DUOX1: variants seen among roughly 807,000 people sequenced by gnomAD.
The protein encoded by DUOX1 is NADPH thyroid oxidase 1.
A neutral mutation model predicts 181.8 loss-of-function variants in DUOX1; 134 were observed. The ratio of observed to expected loss-of-function variants is 0.74; its 90% CI spans 0.64 to 0.85. The LOEUF (loss-of-function observed/expected upper bound fraction) is 0.85, where lower values mean the gene tolerates loss of function less well. Among genes scored for constraint, DUOX1 ranks in the 40% least tolerant of loss-of-function variants. The pLI is 0.00. For missense variants in DUOX1, 1,814 were observed against 2,064.4 expected (o/e 0.88, Z 2.35); for synonymous variants, 798 against 832.5 (o/e 0.96, Z 0.71).
At chr15:45,141,690 G>T (rs927581145) in intron 14 of DUOX1, among the ~76,000 whole-genome samples, 5 of 152,040 alleles carry the variant, frequency 3.3e-5, no homozygotes, top group African/African-American at 1.2e-4. Context: ...CTCGGGCTAG[G>T]TATAATATTA....
intron 9 of DUOX1, among the ~76,000 whole-genome samples, chr15:45,136,845 C>A (rs565494587): frequency 1.3e-5 from 2 of 150,070 alleles, no homozygotes; most frequent in South Asian, 4.2e-4. Flanking sequence ...AGATATTACC[C>A]TCCCCCCCAC....
rs541829000 is a variant in DUOX1 at position 45,156,818 on chromosome 15, T to C, written c.3702+889T>C. ...CTCCCTCTCTCCATGTTGCCTCCCTTCTCATGTTCCCTTCACCCTCCCCTG... is the reference window on the plus strand; with the variant it reads ...CTCCCTCTCTCCATGTTGCCTCCCTCCTCATGTTCCCTTCACCCTCCCCTG... On this transcript the variant is annotated intron_variant, in intron 28 of 33. Transcript: ENST00000389037. 2.0e-5 allele frequency among the ~76,000 whole-genome samples: 3 copies of C among 152,178 alleles called. No individual in the cohort carries two copies. The South Asian group carries it at 6.2e-4, about 32-fold the overall frequency.
intron 17 of DUOX1, 113 bp downstream of exon 17, chr15:45,144,348 G>C: frequency 8.5e-7 from 1 of 1,175,376 alleles, no homozygotes; most frequent in Non-Finnish European, 1.2e-6. Context: ...TACTGTGCAG[G>C]AGTCTGGCTT....
In DUOX1 at chr15:45,132,285, G is replaced by A. The variant is rs1022421713; in HGVS notation, c.58+261G>A. Among the ~76,000 whole-genome samples, 8 of 152,290 alleles carry A rather than the reference G, an allele frequency of 5.3e-5. No individual in the cohort carries two copies. In the East Asian group the frequency reaches 1.5e-3, roughly 29 times the overall value. ...TCTCTTTTATTCTTACAGTTTGGGG[G>A]CCCTTTCTCTCTCCTCTCTCTTCTC... On this transcript the variant is annotated intron_variant, in intron 2 of 33. Coordinates refer to ENST00000389037, the MANE Select transcript of DUOX1 (RefSeq NM_175940.3).
At position 45,155,871 on chromosome 15, in the gene DUOX1, G is replaced by A. The variant is rs142004175; in HGVS notation, c.3644G>A (p.Arg1215His). 1.1e-3 allele frequency: 1,814 copies of A among 1,614,124 alleles called. 7 individuals are homozygous for A. Among genetic ancestry groups the A allele is most frequent in the Non-Finnish European group, 5.5e-4 (653 of 1,180,024 alleles). ...GTCTTTGCCTCCCACCACTTCCGCCGCCGCAGTTTCCGGGGCTTCTGGCTG... is the reference window on the plus strand; with the variant it reads ...GTCTTTGCCTCCCACCACTTCCGCCACCGCAGTTTCCGGGGCTTCTGGCTG... The part of the protein sequence containing the change: ...MYVFASHHFR[R>H]RSFRGFWLTH... Residue 1215 changes from arginine (R) to histidine (H), a missense_variant, in exon 28 of 34, where the codon CGC becomes CAC. Transcript: ENST00000389037.
chr15:45,134,350 G>C lies in DUOX1; in HGVS notation c.307+41G>C, dbSNP rs570184980. On this transcript the variant is annotated intron_variant, in intron 4 of 33. Coordinates refer to ENST00000389037, the MANE Select transcript of DUOX1 (RefSeq NM_175940.3). ...TCTGGGGAAGGAAGCCGGTGGGGTC[G>C]GCTGGACACCTCTGCATGTGAAGAG... 6.4e-6 allele frequency: 10 copies of C among 1,554,664 alleles called. No individual in the cohort carries two copies. In the Admixed American group the frequency reaches 1.2e-4, roughly 19 times the overall value.
intron 12 of DUOX1, chr15:45,140,673 T>C: frequency 2.1e-6 from 1 of 467,640 alleles, no homozygotes; most frequent in Non-Finnish European, 3.8e-6. Context: ...TATTACTTTA[T>C]AAAATAGGCA....
intron 18 of DUOX1, 118 bp from the exon 19 acceptor site, chr15:45,147,315 C>G (rs1246208529): frequency 2.8e-5 from 38 of 1,363,216 alleles, no homozygotes; most frequent in Non-Finnish European, 3.2e-5. Flanking sequence ...CATAAGGCCT[C>G]CTAGCAGAGG....
Position 45,141,045 on chromosome 15 carries a change from T to C in DUOX1, c.1540T>C (p.Tyr514His). The change falls in exon 13 of 34, where the codon TAC (tyrosine) becomes CAC (histidine). Residue 514 changes from tyrosine (Y) to histidine (H), a missense_variant. This residue lies in a region of DUOX1 where 1,064 missense variants were observed against 1,152.9 expected (regional missense o/e 0.92). Coordinates refer to ENST00000389037, the MANE Select transcript of DUOX1 (RefSeq NM_175940.3). Reference protein sequence around the residue: ...QFVRLRDGDRYWFENTRNGLF... With the variant: ...QFVRLRDGDRHWFENTRNGLF... ...TGTGCGGCTACGGGATGGTGACCGC[T>C]ACTGGTTTGAGAACACCAGGAATGG... The C allele has an allele frequency of 6.2e-7, 1 of 1,614,230 alleles. No homozygotes were observed. The highest frequency in any genetic ancestry group is 1.1e-5 in the South Asian group (1 of 91,084).
chr15:45,153,398 A>G lies in DUOX1; in HGVS notation c.3443A>G (p.His1148Arg), dbSNP rs1896868799. 6.2e-7 allele frequency: 1 copy of G among 1,613,882 alleles called. No homozygotes were observed. Among genetic ancestry groups the G allele is most frequent in the Non-Finnish European group, 8.5e-7 (1 of 1,179,956 alleles). The stretch of plus-strand genomic sequence containing the variant: ...TCCTTAGTCTTACACAGTGTGGGCC[A>G]TGTGGTGAATGTGTACCTGTTCTCC... Reference protein sequence around the residue: ...IVLTVLHSVGHVVNVYLFSIS... With the variant: ...IVLTVLHSVGRVVNVYLFSIS... Residue 1148 changes from histidine (H) to arginine (R), a missense_variant, in exon 26 of 34, where the codon CAT becomes CGT. Physicochemically the swap from His to Arg is conservative, Grantham distance 29. This residue lies in a region of DUOX1 where 1,064 missense variants were observed against 1,152.9 expected (regional missense o/e 0.92). Transcript: ENST00000389037.
intron 1 of DUOX1, among the ~76,000 whole-genome samples, chr15:45,130,469 C>G (rs1896078691): frequency 6.6e-6 from 1 of 152,192 alleles, no homozygotes; most frequent in African/African-American, 2.4e-5. Context: ...ACCCATCTTC[C>G]TCCCACCTCA....
rs1288702395 is a variant in DUOX1 at position 45,160,844 on chromosome 15, TC to T, written c.3712del (p.His1238MetfsTer6). 3.7e-6 allele frequency: 6 copies of T among 1,605,898 alleles called. No homozygotes were observed. The African/African-American group carries it at 6.7e-5, about 18-fold the overall frequency. ...GCTCTTTCCTCCATCTAGCTCATCA[TC>T]CATGGTAGCTTTGCCCTGATCCAGC... is the stretch of plus-strand genomic sequence containing the variant. ...LYILLYVLLI[I>X]HGSFALIQLP... is the part of the protein sequence containing the mutation. On this transcript the variant is annotated frameshift_variant, in exon 29 of 34. Coordinates refer to ENST00000389037, the MANE Select transcript of DUOX1 (RefSeq NM_175940.3). LOFTEE classifies it high-confidence loss of function.
At position 45,153,869 on chromosome 15, in the gene DUOX1, A is replaced by G. The variant is rs1896895879; in HGVS notation, c.3525-82A>G. On this transcript the variant is annotated intron_variant, in intron 26 of 33. Transcript: ENST00000389037. ...GCCACTGCACTCCAGCCTGGGTGAC[A>G]GAGCAAGACTCTGCCTCAAAAAAAA... 4.7e-5 allele frequency: 60 copies of G among 1,282,672 alleles called. 2 individuals carry two copies. In the South Asian group the frequency reaches 6.9e-4, roughly 15 times the overall value. The allele number at this position is 1,282,672 out of a possible 1,614,324, so 79.5% of individuals were successfully genotyped here.
At chr15:45,156,005 C>T in intron 28 of DUOX1, 76 bp downstream of exon 28, 1 of 1,573,938 alleles carries the variant, frequency 6.4e-7, no homozygotes, top group Middle Eastern at 1.7e-4. Flanking sequence ...AGAGCTGGGA[C>T]ATTCATTCAA....
rs755201757 is a variant in DUOX1, at chr15:45,163,923, G to A, written c.4533+5G>A. ...CTGCAGGAGGTCCACCCCCAGGTCA[G>A]TCCAACCCATAACCAGGTTCTCTTC... On this transcript the variant is annotated splice_donor_5th_base_variant and intron_variant, in intron 33 of 33. Transcript: ENST00000389037. 6.2e-7 allele frequency: 1 copy of A among 1,613,704 alleles called. No homozygotes were observed. The highest frequency in any genetic ancestry group is 8.5e-7 in the Non-Finnish European group (1 of 1,179,774).
At chr15:45,160,023 G>T (rs59330866) in intron 28 of DUOX1, among the ~76,000 whole-genome samples, 3,234 of 152,204 alleles carry the variant, frequency 0.021, 150 homozygotes, top group African/African-American at 0.075. Context: ...TTGGTGGCAG[G>T]TGCCTGTAAT....
At chr15:45,132,949 A>G (rs922888497) in intron 2 of DUOX1, among the ~76,000 whole-genome samples, 1 of 152,088 alleles carries the variant, frequency 6.6e-6, no homozygotes, top group South Asian at 2.1e-4. Flanking sequence ...GCCCTGAGTC[A>G]TTTTCCCCCC....
intron 22 of DUOX1, 74 bp downstream of exon 22, chr15:45,150,775 CAG>C: frequency 7.0e-7 from 1 of 1,428,092 alleles, no homozygotes; most frequent in Non-Finnish European, 9.8e-7. Flanking sequence ...TGGCTGGGAT[CAG>C]GGCCACCGCT....
chr15:45,140,307 G>A (rs369818235), intron 12 of DUOX1: 22 of 265,842 alleles, frequency 8.3e-5, no homozygotes, highest in Non-Finnish European at 1.4e-4. Flanking sequence ...ATGGGGGCTC[G>A]TAAACTTTAT....
Sources: gnomAD v4.1 joint callset for allele counts (sites outside exome capture counted in the v4.1 genomes callset) on GRCh38, gnomAD v4.1.1 for gene constraint, gnomAD v4.1.1 regional missense constraint, MANE v1.5 for transcripts, NCBI Gene and HGNC (gene_info 2026-07-23, HGNC 2026-07-21) for gene names.